The following MARCHF1 variants were observed in gnomAD, a reference collection of about 807,000 sequenced individuals.
MARCHF1 encodes the protein E3 ubiquitin-protein ligase MARCHF1.
Under a neutral mutation model 54.2 loss-of-function variants are expected in MARCHF1, and 40 were observed. The observed-to-expected ratio is 0.74, with a 90% CI of 0.57 to 0.96. MARCHF1 has a LOEUF of 0.96. Ranked by LOEUF, MARCHF1 falls within the 40% of genes least tolerant of loss-of-function variation. The pLI, the probability that MARCHF1 is intolerant of heterozygous loss-of-function variation, is 0.00. For synonymous variants in MARCHF1, 236 were observed against 236.3 expected, an observed-to-expected ratio of 1.00 and a Z score of 0.01; for missense variants, 586 against 656.5, an observed-to-expected ratio of 0.89 and a Z score of 1.17.
chr4:164,272,431 G>A (rs541072953), intron 1 of MARCHF1, among the ~76,000 whole-genome samples: 87 of 152,116 alleles, frequency 5.7e-4, no homozygotes, highest in Non-Finnish European at 1.1e-3. Flanking sequence ...ATATATAGCC[G>A]TTAAAATAAA....
At chr4:163,721,877 C>A (rs537020075) in intron 4 of MARCHF1, among the ~76,000 whole-genome samples, 2 of 152,072 alleles carry the variant, frequency 1.3e-5, no homozygotes, top group African/African-American at 4.8e-5. Context: ...GTGGTGACAT[C>A]CCTTTTATCA....
chr4:164,114,603 TTA>T lies in MARCHF1; in HGVS notation c.-322-2943_-322-2942del, dbSNP rs374691799. 1.9e-4 allele frequency among the ~76,000 whole-genome samples: 29 copies of T among 151,718 alleles called. No individual in the cohort carries two copies. In the East Asian group the frequency reaches 2.5e-3, roughly 13 times the overall value. The stretch of plus-strand genomic sequence containing the variant: ...CCCAGTATATAAGTATTATATTATA[TTA>T]TGTTATATTTTGCTATTTTTCCTAA... On this transcript the variant is annotated intron_variant, in intron 1 of 9. Coordinates refer to ENST00000514618, the MANE Select transcript of MARCHF1 (RefSeq NM_001394959.1).
chr4:164,220,595 ATATG>A (rs1280069157), intron 1 of MARCHF1, among the ~76,000 whole-genome samples: 4 of 145,852 alleles, frequency 2.7e-5, no homozygotes, highest in Non-Finnish European at 3.0e-5. Context: ...ATATATGTAT[ATATG>A]TAATATATAT....
At chr4:164,271,501 C>T (rs1310674000) in intron 1 of MARCHF1, among the ~76,000 whole-genome samples, 2 of 152,114 alleles carry the variant, frequency 1.3e-5, no homozygotes, top group Non-Finnish European at 2.9e-5. Flanking sequence ...AAGAAACATG[C>T]CTGTCAACAA....
intron 1 of MARCHF1, among the ~76,000 whole-genome samples, chr4:164,130,317 G>GTA (rs1327625740): frequency 2.0e-5 from 3 of 152,070 alleles, no homozygotes; most frequent in South Asian, 2.1e-4. Context: ...ATGTGGATGT[G>GTA]TATTAAAAGG....
intron 4 of MARCHF1, among the ~76,000 whole-genome samples, chr4:163,731,096 AAAC>A (rs1331156459): frequency 6.6e-6 from 1 of 152,198 alleles, no homozygotes; most frequent in African/African-American, 2.4e-5. Context: ...TAACTCTGAT[AAAC>A]ATTAATTATT....
chr4:164,278,738 C>T (rs1215721905), intron 1 of MARCHF1, among the ~76,000 whole-genome samples: 1 of 152,076 alleles, frequency 6.6e-6, no homozygotes, highest in Non-Finnish European at 1.5e-5. Context: ...TGATAGGACC[C>T]AATATGGATT....
Position 163,890,091 on chromosome 4 carries a change from A to ATTT in MARCHF1, c.-38-35925_-38-35923dup, listed in dbSNP as rs565005714. ...AAACACCCACCACCATGCCCGGCTAATTTTTTTTTTTTTTTTGTATTTTTA... is the reference window on the plus strand; with the variant it reads ...AAACACCCACCACCATGCCCGGCTAATTTTTTTTTTTTTTTTTTTGTATTTTTA... On this transcript the variant is annotated intron_variant, in intron 3 of 9. Transcript: ENST00000514618. Among the ~76,000 whole-genome samples, 453 of 136,568 alleles carry ATTT rather than the reference A, an allele frequency of 3.3e-3. 10 individuals carry two copies. Among genetic ancestry groups the ATTT allele is most frequent in the Admixed American group, 0.024 (323 of 13,732 alleles). 89.6% of individuals were successfully genotyped at this position (136,568 alleles called of 152,430 possible). A position where few individuals can be genotyped will look rare whatever the true frequency, so the allele number is the denominator to read the frequency against.
At chr4:163,602,328 G>T (rs1740999097) in intron 7 of MARCHF1, among the ~76,000 whole-genome samples, 1 of 152,014 alleles carries the variant, frequency 6.6e-6, no homozygotes, top group African/African-American at 2.4e-5. Context: ...TTCATATCAA[G>T]GAAACAAATT....
At chr4:164,143,699 T>A (rs528764823) in intron 1 of MARCHF1, among the ~76,000 whole-genome samples, 3 of 152,160 alleles carry the variant, frequency 2.0e-5, no homozygotes, top group Non-Finnish European at 2.9e-5. Context: ...GAACAACCGA[T>A]ACCAGCCGCT....
intron 5 of MARCHF1, among the ~76,000 whole-genome samples, chr4:163,633,836 C>A (rs577619972): frequency 1.3e-3 from 191 of 152,242 alleles, no homozygotes; most frequent in African/African-American, 4.5e-3. Context: ...ATGTTAAGGG[C>A]AGCCAGAGAG....
chr4:163,940,414 C>T (rs964079535), intron 3 of MARCHF1, among the ~76,000 whole-genome samples: 3 of 151,866 alleles, frequency 2.0e-5, no homozygotes, highest in African/African-American at 7.3e-5. Flanking sequence ...TATAAATATG[C>T]CAAAAAGAGG....
At chr4:163,651,148 G>A (rs555154289) in intron 5 of MARCHF1, among the ~76,000 whole-genome samples, 1 of 151,992 alleles carries the variant, frequency 6.6e-6, no homozygotes, top group South Asian at 2.1e-4. Context: ...ATGGACAAAT[G>A]AATGAATGGC....
chr4:163,929,456 G>T (rs1476519956), intron 3 of MARCHF1, among the ~76,000 whole-genome samples: 1 of 151,976 alleles, frequency 6.6e-6, no homozygotes, highest in African/African-American at 2.4e-5. Flanking sequence ...CTTTTCTGCT[G>T]CAATAATTCT....
chr4:164,048,887 C>T (rs1484500342), intron 2 of MARCHF1, among the ~76,000 whole-genome samples: 1 of 151,902 alleles, frequency 6.6e-6, no homozygotes, highest in Non-Finnish European at 1.5e-5. Flanking sequence ...CTGCCTTTAC[C>T]TATAAAGGGA....
At chr4:163,573,611 C>T (rs1372489131) in intron 8 of MARCHF1, among the ~76,000 whole-genome samples, 22 of 151,900 alleles carry the variant, frequency 1.4e-4, no homozygotes, top group African/African-American at 3.1e-4. Context: ...TGATTTCCAA[C>T]TTCATCCATG....
Position 163,528,721 on chromosome 4 carries a change from C to G in MARCHF1, c.*27G>C. ...GGCTGAGGGCTAGAAAGATATTCTT[C>G]GGTGAAGAAACTCCCAACAGGTTCC... is the stretch of plus-strand genomic sequence containing the variant. On this transcript the variant is annotated 3_prime_UTR_variant, in exon 10 of 10. Transcript: ENST00000514618. 4 of 1,577,094 alleles carry G rather than the reference C, an allele frequency of 2.5e-6. No homozygotes were observed. The highest frequency in any genetic ancestry group is 3.4e-6 in the Non-Finnish European group (4 of 1,160,108).
intron 3 of MARCHF1, among the ~76,000 whole-genome samples, chr4:163,893,363 T>C (rs191156495): frequency 6.6e-6 from 1 of 152,116 alleles, no homozygotes; most frequent in Admixed American, 6.6e-5. Context: ...GGTCTCGAAC[T>C]CCTGACCTTG....
Position 163,585,791 on chromosome 4 carries a change from C to T in MARCHF1, c.1149G>A (p.Lys383=), listed in dbSNP as rs1292804618. ...GCTTGGTCTCCATTATGAAGTCATA[C>T]TTGCAGAGCTCACAGCAGCGTGTAT... ...SSDTRCCELC[K]YDFIMETKLK... The change falls in exon 8 of 10, where the codon AAG becomes AAA. Residue 383 remains lysine (K), a synonymous_variant. Coordinates refer to ENST00000514618, the MANE Select transcript of MARCHF1 (RefSeq NM_001394959.1). 1.2e-6 allele frequency: 2 copies of T among 1,612,858 alleles called. No homozygotes were observed. Among genetic ancestry groups the T allele is most frequent in the Non-Finnish European group, 1.7e-6 (2 of 1,179,360 alleles).
Sources: gnomAD v4.1 joint callset for allele counts (sites outside exome capture counted in the v4.1 genomes callset) on GRCh38, gnomAD v4.1.1 for gene constraint, MANE v1.5 for transcripts, NCBI Gene and HGNC (gene_info 2026-07-23, HGNC 2026-07-21) for gene names.